BRAF: variants seen among roughly 807,000 people sequenced by gnomAD.
BRAF encodes serine/threonine-protein kinase B-raf.
A neutral mutation model predicts 104.6 loss-of-function variants in BRAF; 16 were observed. The ratio of observed to expected loss-of-function variants is 0.15; its 90% CI spans 0.10 to 0.23. BRAF has a LOEUF of 0.23. Among genes scored for constraint, BRAF ranks in the 10% least tolerant of loss-of-function variants. The pLI is 1.00. For synonymous variants in BRAF, 310 were observed against 341.6 expected, an observed-to-expected ratio of 0.91 and a Z score of 1.02; for missense variants, 541 against 937.3, an observed-to-expected ratio of 0.58 and a Z score of 5.52.
chr7:140,829,229 T>C (rs1194549097), intron 3 of BRAF, among the ~76,000 whole-genome samples: 1 of 151,734 alleles, frequency 6.6e-6, no homozygotes, highest in African/African-American at 2.4e-5. Flanking sequence ...TTCAAAATTG[T>C]ATTTAATCCA....
chr7:140,788,334 C>T (rs991684059), intron 8 of BRAF, among the ~76,000 whole-genome samples: 3 of 152,038 alleles, frequency 2.0e-5, no homozygotes, highest in Non-Finnish European at 2.9e-5. Context: ...ATCCATCATA[C>T]TAAAAAGTTA....
At chr7:140,715,720 C>T (rs536625674), downstream of BRAF, among the ~76,000 whole-genome samples, 4 of 152,256 alleles carry the variant, frequency 2.6e-5, no homozygotes, top group East Asian at 1.9e-4. Flanking sequence ...AAATACTTAA[C>T]GTGGGAGGAG....
chr7:140,776,077 T>C (rs1800312253), intron 14 of BRAF, among the ~76,000 whole-genome samples: 1 of 152,214 alleles, frequency 6.6e-6, no homozygotes, highest in Non-Finnish European at 1.5e-5. Flanking sequence ...ATTAAATGTG[T>C]GCCCTTAGAC....
intron 1 of BRAF, among the ~76,000 whole-genome samples, chr7:140,911,169 G>C (rs187313549): frequency 1.3e-5 from 2 of 152,312 alleles, no homozygotes; most frequent in African/African-American, 4.8e-5. Context: ...TAAGCAACGA[G>C]AGAATAAGTA....
chr7:140,800,272 T>C, intron 7 of BRAF, 90 bp downstream of exon 7: 1 of 1,590,248 alleles, frequency 6.3e-7, no homozygotes, highest in East Asian at 2.2e-5. Context: ...TTTAACAATT[T>C]AAACATTGGA....
At position 140,724,432 on chromosome 7, in the gene BRAF, T is replaced by C. The variant is rs1795487399; in HGVS notation, c.*2062A>G. On this transcript the variant is annotated 3_prime_UTR_variant, in exon 20 of 20. Coordinates refer to ENST00000644969, the MANE Select transcript of BRAF (RefSeq NM_001374258.1). ...AGAGGCAGTATTATTGCACAGAAGA[T>C]GTTCTTCAAATCAGCGTGAATTATT... 2 of 1,055,530 alleles carry C rather than the reference T, an allele frequency of 1.9e-6. No individual in the cohort carries two copies. Among genetic ancestry groups the C allele is most frequent in the Admixed American group, 5.4e-5 (1 of 18,420 alleles). 65.4% of individuals were successfully genotyped at this position (1,055,530 alleles called of 1,614,324 possible). A position where few individuals can be genotyped will look rare whatever the true frequency, so the allele number is the denominator to read the frequency against.
chr7:140,725,420 A>G lies in BRAF; in HGVS notation c.*1074T>C. Reference sequence around the variant, plus strand: ...TTCAGGATATATAATTCTGGTGGGAAGTATTGTTTTTTTCCAATTCAATTA... The same window carrying G: ...TTCAGGATATATAATTCTGGTGGGAGGTATTGTTTTTTTCCAATTCAATTA... On this transcript the variant is annotated 3_prime_UTR_variant, in exon 20 of 20. Coordinates refer to ENST00000644969, the MANE Select transcript of BRAF (RefSeq NM_001374258.1). 1.1e-6 allele frequency: 1 copy of G among 951,994 alleles called. No individual in the cohort carries two copies. Among genetic ancestry groups the G allele is most frequent in the Non-Finnish European group, 1.3e-6 (1 of 782,686 alleles). 59.0% of individuals were successfully genotyped at this position (951,994 alleles called of 1,614,324 possible). A position where few individuals can be genotyped will look rare whatever the true frequency, so the allele number is the denominator to read the frequency against.
chr7:140,826,479 T>C (rs1029649245), intron 3 of BRAF, among the ~76,000 whole-genome samples: 1 of 152,182 alleles, frequency 6.6e-6, no homozygotes, highest in African/African-American at 2.4e-5. Flanking sequence ...GCATGTTGAT[T>C]TCCATCACAC....
chr7:140,785,620 C>T, intron 10 of BRAF: 1 of 397,846 alleles, frequency 2.5e-6, no homozygotes, highest in Non-Finnish European at 4.4e-6. Context: ...GAGGGTGAGG[C>T]ACAAACAGCA....
chr7:140,900,836 C>A (rs1815544560), intron 1 of BRAF, among the ~76,000 whole-genome samples: 1 of 152,206 alleles, frequency 6.6e-6, no homozygotes, highest in Non-Finnish European at 1.5e-5. Context: ...GTCTCGAACT[C>A]CTGGCCTCAA....
intron 3 of BRAF, chr7:140,824,489 T>C (rs942607393): frequency 6.6e-6 from 1 of 152,204 alleles, no homozygotes; most frequent in Non-Finnish European, 1.5e-5. Context: ...CTCTCATCTG[T>C]CTGCATGCCA....
At chr7:140,764,454 C>T (rs1429086142) in intron 14 of BRAF, among the ~76,000 whole-genome samples, 17 of 149,534 alleles carry the variant, frequency 1.1e-4, no homozygotes, top group Non-Finnish European at 1.9e-4. Context: ...CCAGGGCAAT[C>T]AGGCAGGAGA....
intron 8 of BRAF, among the ~76,000 whole-genome samples, chr7:140,792,901 C>A (rs1368855795): frequency 6.6e-6 from 1 of 152,000 alleles, no homozygotes; most frequent in South Asian, 2.1e-4. Flanking sequence ...AGTTTTGGAA[C>A]AAGAGAACAG....
Position 140,781,557 on chromosome 7 carries a change from C to T in BRAF, c.1552+19G>A, listed in dbSNP as rs2129023399. On this transcript the variant is annotated intron_variant, in intron 12 of 19. Transcript: ENST00000644969. ...ATCCTATTATGACTTGTCACAATGT[C>T]ACCACATTACATACTTACCATGCCA... 6.3e-7 allele frequency: 1 copy of T among 1,593,898 alleles called. No individual in the cohort carries two copies.
At position 140,915,419 on chromosome 7, in the gene BRAF, A is replaced by G. The variant is rs185358143; in HGVS notation, c.138+9147T>C. 3.3e-3 allele frequency among the ~76,000 whole-genome samples: 499 copies of G among 152,016 alleles called. 3 individuals are homozygous for G. The highest frequency in any genetic ancestry group is 0.012 in the African/African-American group (477 of 41,434). On this transcript the variant is annotated intron_variant, in intron 1 of 19. Transcript: ENST00000644969. Reference sequence around the variant, plus strand: ...AACAAAAGTATTCCCCAACTTAAATATAATTAAAGTATCTTTTTTTTTTTT... The same window carrying G: ...AACAAAAGTATTCCCCAACTTAAATGTAATTAAAGTATCTTTTTTTTTTTT...
At chr7:140,801,621 C>A (rs13234054) in intron 5 of BRAF, 61 bp from the exon 6 acceptor site, 1 of 1,496,894 alleles carries the variant, frequency 6.7e-7, no homozygotes, top group Admixed American at 1.8e-5. Flanking sequence ...TAGAAACTGA[C>A]GTATCTACTC....
intron 3 of BRAF, among the ~76,000 whole-genome samples, chr7:140,813,611 T>A (rs548900001): frequency 5.9e-5 from 9 of 152,278 alleles, no homozygotes; most frequent in Non-Finnish European, 1.3e-4. Flanking sequence ...AGAAAGAACC[T>A]GAATGACCAT....
In BRAF at chr7:140,736,156, C is replaced by T. The variant is rs535645002; in HGVS notation, c.2248-1386G>A. Among the ~76,000 whole-genome samples, 140 of 151,260 alleles carry T rather than the reference C, an allele frequency of 9.3e-4. 1 individual carries two copies. The highest frequency in any genetic ancestry group is 1.6e-3 in the Admixed American group (25 of 15,214). On this transcript the variant is annotated intron_variant, in intron 18 of 19. Coordinates refer to ENST00000644969, the MANE Select transcript of BRAF (RefSeq NM_001374258.1). ...CGCGATCTCAGCTCACTGCAACCTC[C>T]GCCTCCCAGGTTCAAGCGATTCTCC...
intron 12 of BRAF, among the ~76,000 whole-genome samples, chr7:140,778,830 C>T (rs150115962): frequency 6.6e-6 from 1 of 152,138 alleles, no homozygotes; most frequent in Non-Finnish European, 1.5e-5. Context: ...TTGTTGGCAG[C>T]ATTACTAAAA....
Sources: gnomAD v4.1 joint callset for allele counts (sites outside exome capture counted in the v4.1 genomes callset) on GRCh38, gnomAD v4.1.1 for gene constraint, MANE v1.5 for transcripts, NCBI Gene and HGNC (gene_info 2026-07-23, HGNC 2026-07-21) for gene names.